Variants in FSTL5 observed in about 807,000 individuals in gnomAD.
FSTL5 encodes the protein follistatin like 5, also known as follistatin-related protein 5.
In FSTL5, 62 loss-of-function variants were observed where a neutral mutation model predicts 89.1. The ratio of observed to expected loss-of-function variants is 0.70; its 90% confidence interval spans 0.57 to 0.86. The LOEUF (loss-of-function observed/expected upper bound fraction) is 0.86, where lower values mean the gene tolerates loss of function less well. FSTL5 is among the 40% of genes least tolerant of loss of function. FSTL5 has a pLI of 0.00. For missense variants in FSTL5, 1,057 were observed against 1,001.6 expected, an observed-to-expected ratio of 1.06 and a Z score of -0.75; for synonymous variants, 383 against 346.2, an observed-to-expected ratio of 1.11 and a Z score of -1.18.
intron 1 of FSTL5, among the ~76,000 whole-genome samples, chr4:162,120,022 C>A (rs191110197): frequency 2.6e-5 from 4 of 152,032 alleles, no homozygotes; most frequent in Admixed American, 1.3e-4. Context: ...AGAATTAAGA[C>A]CATTAATTTA....
intron 2 of FSTL5, among the ~76,000 whole-genome samples, chr4:162,057,231 T>C (rs1738573241): frequency 6.6e-6 from 1 of 152,126 alleles, no homozygotes; most frequent in Non-Finnish European, 1.5e-5. Flanking sequence ...AGCTTTCGAG[T>C]AGGATTGTAA....
chr4:161,995,332 A>G (rs1736256936), intron 3 of FSTL5, among the ~76,000 whole-genome samples: 2 of 152,138 alleles, frequency 1.3e-5, no homozygotes, highest in African/African-American at 4.8e-5. Context: ...AAATAAGAAA[A>G]CTGAGAAGTG....
intron 8 of FSTL5, among the ~76,000 whole-genome samples, chr4:161,549,464 G>A (rs1471908935): frequency 6.6e-6 from 1 of 151,936 alleles, no homozygotes; most frequent in East Asian, 2.0e-4. Flanking sequence ...ATGTAGCCGG[G>A]TGACTTGTGT....
intron 3 of FSTL5, among the ~76,000 whole-genome samples, chr4:161,958,689 T>C (rs1735091610): frequency 6.6e-6 from 1 of 152,136 alleles, no homozygotes; most frequent in Non-Finnish European, 1.5e-5. Context: ...CCAGGGACTG[T>C]TCTCACTGAT....
At chr4:161,593,239 A>AT (rs1318827865) in intron 7 of FSTL5, among the ~76,000 whole-genome samples, 2 of 152,006 alleles carry the variant, frequency 1.3e-5, no homozygotes, top group African/African-American at 2.4e-5. Flanking sequence ...CTGAATTGTG[A>AT]TTTTTTTAAA....
chr4:161,384,106 T>G lies in FSTL5; in HGVS notation c.*1641A>C, dbSNP rs960749953. 6.6e-6 allele frequency: 1 copy of G among 152,214 alleles called. No individual in the cohort carries two copies. The highest frequency in any genetic ancestry group is 6.5e-5 in the Admixed American group (1 of 15,284). The allele number at this position is 152,214 out of a possible 1,614,324, so 9.4% of individuals were successfully genotyped here. ...AGTAGAAACATAAGCTGATTTTTGT[T>G]GTTTATTAAATCTACCTCGCATGTT... On this transcript the variant is annotated 3_prime_UTR_variant, in exon 16 of 16. Coordinates refer to ENST00000306100, the MANE Select transcript of FSTL5 (RefSeq NM_020116.5).
At chr4:162,025,892 A>G (rs1201106313) in intron 3 of FSTL5, among the ~76,000 whole-genome samples, 1 of 152,054 alleles carries the variant, frequency 6.6e-6, no homozygotes, top group Admixed American at 6.6e-5. Context: ...TTTTTACATT[A>G]ATAATTCTAA....
At chr4:161,598,861 A>G (rs1734131843) in intron 7 of FSTL5, among the ~76,000 whole-genome samples, 2 of 152,296 alleles carry the variant, frequency 1.3e-5, no homozygotes, top group Non-Finnish European at 2.9e-5. Flanking sequence ...TATATGTAAA[A>G]GACAGAACTT....
intron 7 of FSTL5, among the ~76,000 whole-genome samples, chr4:161,601,587 A>G (rs979951576): frequency 1.3e-5 from 2 of 152,110 alleles, no homozygotes; most frequent in African/African-American, 4.8e-5. Flanking sequence ...GCAAAGAACC[A>G]GCAAACAAGC....
intron 4 of FSTL5, among the ~76,000 whole-genome samples, chr4:161,793,884 C>T (rs1729551221): frequency 6.6e-6 from 1 of 152,162 alleles, no homozygotes; most frequent in South Asian, 2.1e-4. Flanking sequence ...GCTGGGATTA[C>T]AGGTGTGAGC....
At chr4:161,640,440 A>T (rs1263856169) in intron 7 of FSTL5, among the ~76,000 whole-genome samples, 1 of 152,192 alleles carries the variant, frequency 6.6e-6, no homozygotes, top group Non-Finnish European at 1.5e-5. Flanking sequence ...AAGCATGTAT[A>T]AACAAGCATC....
intron 11 of FSTL5, among the ~76,000 whole-genome samples, chr4:161,509,190 C>G (rs1730574684): frequency 6.6e-6 from 1 of 152,146 alleles, no homozygotes; most frequent in Non-Finnish European, 1.5e-5. Flanking sequence ...GTAACCCCAG[C>G]TACTCGGGAG....
At chr4:161,941,603 C>G (rs909048091) in intron 3 of FSTL5, among the ~76,000 whole-genome samples, 1 of 151,846 alleles carries the variant, frequency 6.6e-6, no homozygotes, top group Non-Finnish European at 1.5e-5. Context: ...AGACATAATA[C>G]TTACAAACAT....
At chr4:162,130,185 ACT>A (rs1219948629) in intron 1 of FSTL5, among the ~76,000 whole-genome samples, 1 of 151,928 alleles carries the variant, frequency 6.6e-6, no homozygotes, top group South Asian at 2.1e-4. Context: ...AAGTGGAAAA[ACT>A]CTCTTTTTGT....
chr4:162,130,108 A>G (rs1404600137), intron 1 of FSTL5, among the ~76,000 whole-genome samples: 1 of 152,198 alleles, frequency 6.6e-6, no homozygotes, highest in Admixed American at 6.5e-5. Flanking sequence ...GAGGTCTTGT[A>G]AAATGACTGT....
At chr4:162,085,978 G>A (rs969822787) in intron 2 of FSTL5, among the ~76,000 whole-genome samples, 3 of 152,080 alleles carry the variant, frequency 2.0e-5, no homozygotes, top group Admixed American at 6.6e-5. Context: ...TACAGTCAGT[G>A]TTTTAAAAAT....
intron 6 of FSTL5, among the ~76,000 whole-genome samples, chr4:161,675,171 T>G (rs17638404): frequency 0.052 from 7,979 of 152,206 alleles, 336 homozygotes; most frequent in East Asian, 0.21. Flanking sequence ...AATTGATCAG[T>G]GATTATTTAA....
intron 6 of FSTL5, among the ~76,000 whole-genome samples, chr4:161,737,861 T>C (rs1739872442): frequency 6.6e-6 from 1 of 152,052 alleles, no homozygotes; most frequent in South Asian, 2.1e-4. Flanking sequence ...TAATAAGATC[T>C]ACAACTTAAA....
chr4:161,905,228 A>G (rs958232734), intron 4 of FSTL5, among the ~76,000 whole-genome samples: 1 of 152,174 alleles, frequency 6.6e-6, no homozygotes, highest in African/African-American at 2.4e-5. Flanking sequence ...AAAATTAAAA[A>G]AAGATTTAAT....
Sources: gnomAD v4.1 joint callset for allele counts (sites outside exome capture counted in the v4.1 genomes callset) on GRCh38, gnomAD v4.1.1 for gene constraint, MANE v1.5 for transcripts, NCBI Gene and HGNC (gene_info 2026-07-23, HGNC 2026-07-21) for gene names.